KPNA5: variants seen among roughly 807,000 people sequenced by gnomAD.
The protein encoded by KPNA5 is karyopherin subunit alpha 5, also known as importin subunit alpha-6.
KPNA5 carries 46 observed loss-of-function variants against 71.3 expected under a neutral mutation model. The ratio of observed to expected loss-of-function variants is 0.65; its 90% CI spans 0.51 to 0.83. The LOEUF is 0.83. Ranked by LOEUF, KPNA5 falls within the 40% of genes least tolerant of loss-of-function variation. The probability of loss-of-function intolerance (pLI) is 0.00; values close to 1 mark genes in which losing one functional copy is unlikely to be tolerated. For synonymous variants in KPNA5, 207 were observed against 201.4 expected, an observed-to-expected ratio of 1.03 and a Z score of -0.24; for missense variants, 547 against 628.3, an observed-to-expected ratio of 0.87 and a Z score of 1.38.
In KPNA5 at chr6:116,684,403, G is replaced by A. The variant is rs191432941; in HGVS notation, c.4+3065G>A. ...GATTTGTCTCACTATCTTTACCAGT[G>A]ACATAATTACCAAATCTGATGCCTG... On this transcript the variant is annotated intron_variant, in intron 1 of 13. Coordinates refer to ENST00000368564, the MANE Select transcript of KPNA5 (RefSeq NM_001366306.2). 4.6e-5 allele frequency among the ~76,000 whole-genome samples: 7 copies of A among 152,194 alleles called. No homozygotes were observed. In the East Asian group the frequency reaches 1.2e-3, roughly 25 times the overall value.
In KPNA5 at chr6:116,681,266, C is replaced by T. The variant is rs934982283; in HGVS notation, c.-69C>T. 4 of 1,600,594 alleles carry T rather than the reference C, an allele frequency of 2.5e-6. No individual in the cohort carries two copies. The highest frequency in any genetic ancestry group is 1.7e-4 in the Middle Eastern group (1 of 6,006). Reference sequence around the variant, plus strand: ...TCACGCCAGGGGCGGAGTGGCGGCCCTTCTGTTACCCGCCACACACGTCGC... The same window carrying T: ...TCACGCCAGGGGCGGAGTGGCGGCCTTTCTGTTACCCGCCACACACGTCGC... On this transcript the variant is annotated 5_prime_UTR_variant, in exon 1 of 14. Coordinates refer to ENST00000368564, the MANE Select transcript of KPNA5 (RefSeq NM_001366306.2).
At chr6:116,694,704 G>A (rs938916543) in intron 4 of KPNA5, among the ~76,000 whole-genome samples, 1 of 152,150 alleles carries the variant, frequency 6.6e-6, no homozygotes, top group East Asian at 1.9e-4. Flanking sequence ...ATATCATAGA[G>A]TGTGAGCATA....
intron 13 of KPNA5, among the ~76,000 whole-genome samples, chr6:116,731,125 A>T (rs1427049328): frequency 2.0e-5 from 3 of 152,160 alleles, no homozygotes; most frequent in African/African-American, 2.4e-5. Flanking sequence ...ACATTTAATC[A>T]TATGGAATTT....
Position 116,686,717 on chromosome 6 carries a change from A to G in KPNA5, c.5-2603A>G, listed in dbSNP as rs115017347. Among the ~76,000 whole-genome samples, 921 of 152,124 alleles carry G rather than the reference A, an allele frequency of 6.1e-3. 11 individuals carry two copies. Among genetic ancestry groups the G allele is most frequent in the African/African-American group, 0.021 (871 of 41,508 alleles). On this transcript the variant is annotated intron_variant, in intron 1 of 13. Coordinates refer to ENST00000368564, the MANE Select transcript of KPNA5 (RefSeq NM_001366306.2). ...TTTAATCCATCTCGAGTTATTTTGT[A>G]TATGGAAGGGGTCCAGTTTCAATCT...
chr6:116,691,823 T>C (rs957136141), intron 2 of KPNA5, among the ~76,000 whole-genome samples: 4 of 152,224 alleles, frequency 2.6e-5, no homozygotes, highest in Non-Finnish European at 5.9e-5. Flanking sequence ...GATCTGAGAT[T>C]GAAAGTGACG....
chr6:116,730,171 C>G lies in KPNA5; in HGVS notation c.1432+430C>G, dbSNP rs571114027. Among the ~76,000 whole-genome samples the G allele has an allele frequency of 1.0e-4, 15 of 149,968 alleles. No individual in the cohort carries two copies. The South Asian group carries it at 1.1e-3, about 11-fold the overall frequency. On this transcript the variant is annotated intron_variant, in intron 13 of 13. Coordinates refer to ENST00000368564, the MANE Select transcript of KPNA5 (RefSeq NM_001366306.2). ...GTGTGGTCTTGGCTCACTGAAACCT[C>G]CACCTCCCATGTTCAAGCAATTCAT...
intron 13 of KPNA5, among the ~76,000 whole-genome samples, chr6:116,730,911 A>G (rs1779458321): frequency 6.6e-6 from 1 of 151,192 alleles, no homozygotes. Context: ...TTATTTTGAT[A>G]TGACTTTTTC....
Position 116,735,197 on chromosome 6 carries a change from C to T in KPNA5, c.*2874C>T, listed in dbSNP as rs565457073. Reference sequence around the variant, plus strand: ...ATAAATTCTGCTGGCACAGAACTAACATATCATTTGGTAACTGTAAAACCT... The same window carrying T: ...ATAAATTCTGCTGGCACAGAACTAATATATCATTTGGTAACTGTAAAACCT... On this transcript the variant is annotated 3_prime_UTR_variant, in exon 14 of 14. Coordinates refer to ENST00000368564, the MANE Select transcript of KPNA5 (RefSeq NM_001366306.2). The T allele has an allele frequency of 6.6e-6, 1 of 151,854 alleles. No homozygotes were observed. Among genetic ancestry groups the T allele is most frequent in the East Asian group, 1.9e-4 (1 of 5,188 alleles). The allele number at this position is 151,854 out of a possible 1,614,324, so 9.4% of individuals were successfully genotyped here.
At position 116,740,230 on chromosome 6, in the gene KPNA5, A is replaced by G. The variant is rs1306900618; in HGVS notation, c.*7907A>G. Reference sequence around the variant, plus strand: ...AAAGAAGACATTTATGCAGCCAAAAAACACATGAAAAAATGCTCACCATCA... The same window carrying G: ...AAAGAAGACATTTATGCAGCCAAAAGACACATGAAAAAATGCTCACCATCA... On this transcript the variant is annotated 3_prime_UTR_variant, in exon 14 of 14. Coordinates refer to ENST00000368564, the MANE Select transcript of KPNA5 (RefSeq NM_001366306.2). 6.6e-6 allele frequency: 1 copy of G among 152,178 alleles called. No individual in the cohort carries two copies. Among genetic ancestry groups the G allele is most frequent in the African/African-American group, 2.4e-5 (1 of 41,456 alleles). 9.4% of individuals were successfully genotyped at this position (152,178 alleles called of 1,614,324 possible). A position where few individuals can be genotyped will look rare whatever the true frequency, so the allele number is the denominator to read the frequency against.
chr6:116,725,659 A>G (rs934639085), intron 10 of KPNA5, 92 bp from the exon 11 acceptor site: 15 of 1,133,590 alleles, frequency 1.3e-5, no homozygotes, highest in Non-Finnish European at 1.7e-5. Flanking sequence ...ACTTTCTAGA[A>G]TGGGTTTTGT....
chr6:116,729,667 G>C lies in KPNA5; in HGVS notation c.1358G>C (p.Arg453Pro). ...VALNGLENIL[R>P]LGEQESKQNG... ...TTAAATGGACTTGAAAATATTTTAC[G>C]TCTTGGAGAACAAGAATCTAAGCAG... The change falls in exon 13 of 14, where the codon CGT (arginine) becomes CCT (proline). Residue 453 changes from arginine to proline, a missense_variant. Transcript: ENST00000368564. The C allele has an allele frequency of 6.2e-7, 1 of 1,610,382 alleles. No homozygotes were observed. Among genetic ancestry groups the C allele is most frequent in the Non-Finnish European group, 8.5e-7 (1 of 1,178,052 alleles).
intron 8 of KPNA5, among the ~76,000 whole-genome samples, chr6:116,717,357 A>G (rs1778923997): frequency 6.6e-6 from 1 of 152,214 alleles, no homozygotes. Context: ...CTGTCTTACA[A>G]CAGTCTCCTT....
At chr6:116,682,309 A>G (rs926906885) in intron 1 of KPNA5, among the ~76,000 whole-genome samples, 7 of 152,230 alleles carry the variant, frequency 4.6e-5, no homozygotes, top group Non-Finnish European at 1.0e-4. Context: ...CCCGGGCGAC[A>G]GAGCGAGACT....
chr6:116,713,686 A>G (rs1337883564), intron 7 of KPNA5, among the ~76,000 whole-genome samples: 1 of 152,000 alleles, frequency 6.6e-6, no homozygotes, highest in Non-Finnish European at 1.5e-5. Flanking sequence ...GCTTGATGGT[A>G]TTTTACAGCT....
chr6:116,691,279 TTTG>T (rs936917380), intron 2 of KPNA5, among the ~76,000 whole-genome samples: 5 of 152,104 alleles, frequency 3.3e-5, no homozygotes, highest in Non-Finnish European at 5.9e-5. Flanking sequence ...ATTTTCGTAT[TTTG>T]TTGTTGTTGT....
chr6:116,735,790 C>A lies in KPNA5; in HGVS notation c.*3467C>A, dbSNP rs1779650869. ...ATTATAAAAAATAGCTAATCCAAAA[C>A]TAGACAGAAAAAGAGAAAAAACAAA... On this transcript the variant is annotated 3_prime_UTR_variant, in exon 14 of 14. Transcript: ENST00000368564. 1.3e-5 allele frequency: 2 copies of A among 151,352 alleles called. No individual in the cohort carries two copies. Among genetic ancestry groups the A allele is most frequent in the African/African-American group, 4.8e-5 (2 of 41,296 alleles). 9.4% of individuals were successfully genotyped at this position (151,352 alleles called of 1,614,324 possible).
Position 116,739,488 on chromosome 6 carries a change from C to G in KPNA5, c.*7165C>G, listed in dbSNP as rs1057352370. ...ACCAATGCCTTTCTTCACAGAATTG[C>G]AAAAAACTACTTTAAAGTTCATATG... On this transcript the variant is annotated 3_prime_UTR_variant, in exon 14 of 14. Coordinates refer to ENST00000368564, the MANE Select transcript of KPNA5 (RefSeq NM_001366306.2). 9.9e-5 allele frequency: 15 copies of G among 151,930 alleles called. No individual in the cohort carries two copies. Among genetic ancestry groups the G allele is most frequent in the Admixed American group, 2.6e-4 (4 of 15,226 alleles). The allele number at this position is 151,930 out of a possible 1,614,324, so 9.4% of individuals were successfully genotyped here. A position where few individuals can be genotyped will look rare whatever the true frequency, so the allele number is the denominator to read the frequency against.
At chr6:116,718,760 T>A (rs917597877) in intron 8 of KPNA5, among the ~76,000 whole-genome samples, 69 of 151,468 alleles carry the variant, frequency 4.6e-4, no homozygotes, top group African/African-American at 1.6e-3. Flanking sequence ...TTTTTTGAAA[T>A]TTTCTTTTTT....
chr6:116,726,447 A>G, intron 11 of KPNA5, 48 bp from the exon 12 acceptor site: 2 of 1,466,592 alleles, frequency 1.4e-6, no homozygotes, highest in South Asian at 1.5e-5. Context: ...TACTGGTAAT[A>G]TTTTAGAAAC....
Sources: allele counts gnomAD v4.1 joint callset (sites outside exome capture counted in the v4.1 genomes callset), GRCh38; gene constraint gnomAD v4.1.1; transcripts MANE v1.5; gene names NCBI Gene and HGNC (gene_info 2026-07-23, HGNC 2026-07-21).